Variants in NPEPPS observed in about 807,000 individuals in gnomAD.
NPEPPS encodes the protein puromycin-sensitive aminopeptidase.
Under a neutral mutation model 115.5 loss-of-function variants are expected in NPEPPS, and 14 were observed. That is an observed-to-expected ratio of 0.12 (90% CI 0.08 to 0.19). The LOEUF is 0.19. NPEPPS is among the 10% of genes least tolerant of loss of function. NPEPPS has a pLI of 1.00. For synonymous variants in NPEPPS, 285 were observed against 390.6 expected (o/e 0.73, Z 3.19); for missense variants, 523 against 1,110.8 (o/e 0.47, Z 7.52).
intron 19 of NPEPPS, among the ~76,000 whole-genome samples, chr17:47,617,660 G>T (rs751659023): frequency 6.6e-5 from 10 of 152,002 alleles, no homozygotes; most frequent in Non-Finnish European, 1.5e-4. Context: ...TTAATTTGAT[G>T]ATCTGGTATA....
intron 1 of NPEPPS, among the ~76,000 whole-genome samples, chr17:47,538,129 G>A (rs898523628): frequency 6.6e-6 from 1 of 150,440 alleles, no homozygotes; most frequent in African/African-American, 2.4e-5. Context: ...CTGACCTCAG[G>A]TGATCTGCCT....
At chr17:47,561,427 G>C (rs1195300711) in intron 2 of NPEPPS, among the ~76,000 whole-genome samples, 1 of 150,192 alleles carries the variant, frequency 6.7e-6, no homozygotes, top group African/African-American at 2.5e-5. Context: ...CACAGTTTCT[G>C]TCATAGAACA....
chr17:47,616,432 C>T (rs1010673435), intron 19 of NPEPPS, among the ~76,000 whole-genome samples: 3 of 152,048 alleles, frequency 2.0e-5, no homozygotes, highest in African/African-American at 7.2e-5. Flanking sequence ...GCCTGCAATC[C>T]CAGCACTTTG....
chr17:47,580,241 T>C (rs1911792457), intron 4 of NPEPPS: 1 of 152,174 alleles, frequency 6.6e-6, no homozygotes, highest in Non-Finnish European at 1.5e-5. Flanking sequence ...TTGTTTTACC[T>C]GATGTATCTT....
chr17:47,609,920 A>G (rs1597888773), intron 17 of NPEPPS, among the ~76,000 whole-genome samples: 2 of 152,156 alleles, frequency 1.3e-5, no homozygotes, highest in South Asian at 4.1e-4. Flanking sequence ...ATTTCATCAT[A>G]TGAATATACT....
chr17:47,561,014 AT>A (rs1910389515), intron 2 of NPEPPS, among the ~76,000 whole-genome samples: 1 of 152,228 alleles, frequency 6.6e-6, no homozygotes. Flanking sequence ...CACTTCTGAT[AT>A]TGAAATTTTA....
intron 2 of NPEPPS, among the ~76,000 whole-genome samples, chr17:47,568,372 T>C (rs1308221292): frequency 6.6e-6 from 1 of 152,150 alleles, no homozygotes; most frequent in African/African-American, 2.4e-5. Context: ...GGTTTCGCCA[T>C]GTTGGCCAGG....
Position 47,562,061 on chromosome 17 carries a change from T to A in NPEPPS, c.341-7356T>A, listed in dbSNP as rs372511205. On this transcript the variant is annotated intron_variant, in intron 2 of 22. Transcript: ENST00000322157. ...GCACCCAGGGAGGGTATGAGAGCTC[T>A]GCACCCCTTCCCACATGCCTTGTTC... 8.5e-5 allele frequency among the ~76,000 whole-genome samples: 13 copies of A among 152,352 alleles called. No individual in the cohort carries two copies. The South Asian group carries it at 2.5e-3, about 29-fold the overall frequency.
chr17:47,550,352 G>A (rs1909555281), intron 2 of NPEPPS, among the ~76,000 whole-genome samples: 1 of 147,366 alleles, frequency 6.8e-6, no homozygotes, highest in Non-Finnish European at 1.5e-5. Flanking sequence ...TTTTGAGATG[G>A]AGTCTTGCTG....
intron 2 of NPEPPS, among the ~76,000 whole-genome samples, chr17:47,561,346 CAAA>C (rs71365075): frequency 4.9e-5 from 3 of 60,776 alleles, no homozygotes; most frequent in Admixed American, 2.2e-4. Context: ...GACCCTGTCT[CAAA>C]AAAAAAAAAA....
Position 47,577,610 on chromosome 17 carries a change from A to G in NPEPPS, c.419-1780A>G, listed in dbSNP as rs770209093. 6.6e-5 allele frequency among the ~76,000 whole-genome samples: 10 copies of G among 152,318 alleles called. No homozygotes were observed. The East Asian group carries it at 1.7e-3, about 26-fold the overall frequency. ...AAAGTATTCATTGTCCTCTTTAGAT[A>G]TTTACAAACATCTGATTTTTAAAAA... On this transcript the variant is annotated intron_variant, in intron 3 of 22. Coordinates refer to ENST00000322157, the MANE Select transcript of NPEPPS (RefSeq NM_006310.4).
chr17:47,615,593 T>C (rs990834410), intron 19 of NPEPPS, among the ~76,000 whole-genome samples: 4 of 152,186 alleles, frequency 2.6e-5, no homozygotes, highest in African/African-American at 9.7e-5. Context: ...TTGGGTTTAC[T>C]TTCCACCTGA....
At chr17:47,542,580 C>G (rs1266946799) in intron 1 of NPEPPS, among the ~76,000 whole-genome samples, 3 of 149,970 alleles carry the variant, frequency 2.0e-5, no homozygotes, top group African/African-American at 7.3e-5. Flanking sequence ...ATTGGAAGAT[C>G]TGTCAGCACT....
rs1193236983 is a variant in NPEPPS, at chr17:47,610,358, T to C, written c.2096-2102T>C. On this transcript the variant is annotated intron_variant, in intron 17 of 22. Coordinates refer to ENST00000322157, the MANE Select transcript of NPEPPS (RefSeq NM_006310.4). ...ATAGTATTTTCAAGATTCATCTATG[T>C]TGTAGCATGTATCAGTCTTTCATTC... 2.6e-5 allele frequency among the ~76,000 whole-genome samples: 4 copies of C among 152,044 alleles called. No individual in the cohort carries two copies. The East Asian group carries it at 7.7e-4, about 29-fold the overall frequency.
At position 47,563,260 on chromosome 17, in the gene NPEPPS, G is replaced by A. The variant is rs559848457; in HGVS notation, c.341-6157G>A. Among the ~76,000 whole-genome samples, 5 of 152,176 alleles carry A rather than the reference G, an allele frequency of 3.3e-5. No homozygotes were observed. The East Asian group carries it at 9.7e-4, about 29-fold the overall frequency. ...TTGGACAGGTTGGTCTCAGACTCCT[G>A]ACCTCAGGTGATCTGCCCATCTTGA... On this transcript the variant is annotated intron_variant, in intron 2 of 22. Coordinates refer to ENST00000322157, the MANE Select transcript of NPEPPS (RefSeq NM_006310.4).
chr17:47,616,468 A>G (rs945371991), intron 19 of NPEPPS, among the ~76,000 whole-genome samples: 1 of 151,942 alleles, frequency 6.6e-6, no homozygotes, highest in African/African-American at 2.4e-5. Flanking sequence ...TGTGGATCAC[A>G]AGGTCAGGAG....
chr17:47,588,238 A>C (rs1912304506), intron 9 of NPEPPS, among the ~76,000 whole-genome samples: 1 of 152,228 alleles, frequency 6.6e-6, no homozygotes, highest in Non-Finnish European at 1.5e-5. Context: ...TTGGATGTTT[A>C]AAATTTTACA....
chr17:47,568,558 C>T (rs1198733014), intron 2 of NPEPPS, among the ~76,000 whole-genome samples: 7 of 147,604 alleles, frequency 4.7e-5, no homozygotes. Context: ...TCCAAGCATC[C>T]TAAAGTATCA....
At chr17:47,529,805 A>G (rs1264721525), upstream of NPEPPS, among the ~76,000 whole-genome samples, 1 of 121,070 alleles carries the variant, frequency 8.3e-6, no homozygotes, top group Non-Finnish European at 1.7e-5. Context: ...CAAGGTATCT[A>G]CAGAACTGAG....
Sources: gnomAD v4.1 joint callset for allele counts (sites outside exome capture counted in the v4.1 genomes callset) on GRCh38, gnomAD v4.1.1 for gene constraint, MANE v1.5 for transcripts, NCBI Gene and HGNC (gene_info 2026-07-23, HGNC 2026-07-21) for gene names.